The following KSR2 variants were observed in gnomAD, a reference collection of about 807,000 sequenced individuals.
KSR2 encodes the protein kinase suppressor of ras 2.
In KSR2, 25 loss-of-function variants were observed where a neutral mutation model predicts 107.8. The ratio of observed to expected loss-of-function variants is 0.23; its 90% confidence interval spans 0.17 to 0.32. KSR2 has a LOEUF of 0.32. KSR2 is among the 10% of genes least tolerant of loss of function. The pLI is 1.00. For synonymous variants in KSR2, 480 were observed against 507.0 expected (o/e 0.95, Z 0.71); for missense variants, 887 against 1,268.9 (o/e 0.70, Z 4.57).
chr12:117,866,551 C>T (rs757765263), intron 1 of KSR2, among the ~76,000 whole-genome samples: 5 of 152,170 alleles, frequency 3.3e-5, no homozygotes, highest in Non-Finnish European at 5.9e-5. Context: ...TTGATTCGGC[C>T]GGACACAGTG....
At chr12:117,924,237 C>A (rs776934344) in intron 1 of KSR2, among the ~76,000 whole-genome samples, 5 of 151,458 alleles carry the variant, frequency 3.3e-5, no homozygotes, top group Non-Finnish European at 5.9e-5. Context: ...ATAAATCAAT[C>A]TACTGTAGAT....
intron 7 of KSR2, among the ~76,000 whole-genome samples, chr12:117,558,979 G>A (rs1160662374): frequency 6.6e-6 from 1 of 151,882 alleles, no homozygotes; most frequent in African/African-American, 2.4e-5. Context: ...ACAGATTGAT[G>A]GTTGATGTGT....
At chr12:117,646,805 G>A (rs1802318162) in intron 5 of KSR2, among the ~76,000 whole-genome samples, 1 of 152,162 alleles carries the variant, frequency 6.6e-6, no homozygotes, top group Non-Finnish European at 1.5e-5. Flanking sequence ...GACTTCTGAA[G>A]GGGCTTAGTC....
intron 1 of KSR2, among the ~76,000 whole-genome samples, chr12:117,949,359 A>ATC (rs1896292775): frequency 6.6e-6 from 1 of 152,160 alleles, no homozygotes; most frequent in African/African-American, 2.4e-5. Flanking sequence ...CAACTCACAT[A>ATC]TCTCACGAAG....
chr12:117,786,798 A>C (rs987321311), intron 3 of KSR2, among the ~76,000 whole-genome samples: 5 of 152,098 alleles, frequency 3.3e-5, no homozygotes, highest in African/African-American at 1.2e-4. Context: ...CCTGGGCAAC[A>C]AGAGTGAAAC....
intron 1 of KSR2, among the ~76,000 whole-genome samples, chr12:117,892,402 A>G (rs1300774825): frequency 1.3e-5 from 2 of 152,142 alleles, no homozygotes; most frequent in Non-Finnish European, 2.9e-5. Context: ...CTCACAACAC[A>G]TTATCTCCAA....
At chr12:117,959,948 A>AT (rs1896613639) in intron 1 of KSR2, among the ~76,000 whole-genome samples, 1 of 151,788 alleles carries the variant, frequency 6.6e-6, no homozygotes, top group African/African-American at 2.4e-5. Flanking sequence ...AAAAAAAAAA[A>AT]AAACTTCAAG....
intron 4 of KSR2, among the ~76,000 whole-genome samples, chr12:117,730,921 G>A (rs559404385): frequency 1.9e-4 from 29 of 152,216 alleles, no homozygotes; most frequent in African/African-American, 6.5e-4. Flanking sequence ...GCCTCTGCCC[G>A]GCCGCCACCC....
intron 5 of KSR2, among the ~76,000 whole-genome samples, chr12:117,597,754 G>GTTACTTTTGCATCAACCTAGTA (rs1880729700): frequency 6.6e-6 from 1 of 152,196 alleles, no homozygotes; most frequent in South Asian, 2.1e-4. Context: ...ATATTCACCA[G>GTTACTTTTGCATCAACCTAGTA]TTACTTTTGC....
chr12:117,467,748 C>A, intron 19 of KSR2: 2 of 416,200 alleles, frequency 4.8e-6, no homozygotes, highest in South Asian at 1.8e-5. Context: ...GCAAAAGGAA[C>A]TCATTTATTT....
At chr12:117,567,410 G>C (rs555671508) in intron 7 of KSR2, among the ~76,000 whole-genome samples, 1 of 152,084 alleles carries the variant, frequency 6.6e-6, no homozygotes, top group Admixed American at 6.6e-5. Flanking sequence ...GAGATGCGAG[G>C]GGACAGAGGA....
At chr12:117,748,908 G>C (rs910019490) in intron 4 of KSR2, among the ~76,000 whole-genome samples, 2 of 151,838 alleles carry the variant, frequency 1.3e-5, no homozygotes, top group Non-Finnish European at 2.9e-5. Flanking sequence ...GCCCATAAAG[G>C]GTGTTACGGG....
intron 3 of KSR2, among the ~76,000 whole-genome samples, chr12:117,839,662 G>A (rs113892358): frequency 0.042 from 6,342 of 152,182 alleles, 412 homozygotes; most frequent in African/African-American, 0.14. Flanking sequence ...GACTATGGCC[G>A]AAGATCGACA....
chr12:117,706,208 T>A (rs188550606), intron 4 of KSR2, among the ~76,000 whole-genome samples: 32 of 151,886 alleles, frequency 2.1e-4, no homozygotes, highest in African/African-American at 5.8e-4. Context: ...CACACCCAGA[T>A]AATTTTTGTA....
chr12:117,761,571 G>C (rs1216273668), intron 3 of KSR2, 47 bp from the exon 4 acceptor site: 1 of 1,593,450 alleles, frequency 6.3e-7, no homozygotes, highest in Non-Finnish European at 8.6e-7. Flanking sequence ...CCATGAGAAA[G>C]CCAGGTGAGT....
chr12:117,793,163 C>T (rs1325750736), intron 3 of KSR2, among the ~76,000 whole-genome samples: 5 of 143,810 alleles, frequency 3.5e-5, no homozygotes, highest in South Asian at 4.6e-4. Context: ...TATGCACGCA[C>T]ACCAACATGT....
chr12:117,881,092 T>C (rs1441789028), intron 1 of KSR2, among the ~76,000 whole-genome samples: 1 of 152,186 alleles, frequency 6.6e-6, no homozygotes, highest in African/African-American at 2.4e-5. Flanking sequence ...GGCCTTGTTT[T>C]TGTCATCTTT....
intron 3 of KSR2, among the ~76,000 whole-genome samples, chr12:117,815,287 G>T (rs1351163921): frequency 6.6e-6 from 1 of 152,100 alleles, no homozygotes; most frequent in African/African-American, 2.4e-5. Flanking sequence ...AGACCAGTTG[G>T]ATCATTACAC....
In KSR2 at chr12:117,485,618, G is replaced by T; in HGVS notation, c.2293C>A (p.Gln765Lys). ...ACCTTCACAATTTCTTGAGCAATCTGCCTGGTTTTGTTGACATCCAAAACG... is the reference window on the plus strand; with the variant it reads ...ACCTTCACAATTTCTTGAGCAATCTTCCTGGTTTTGTTGACATCCAAAACG... ...KIVLDVNKTR[Q>K]IAQEIVKGMG... is the part of the protein sequence containing the mutation. The change falls in exon 15 of 20, where the codon CAG becomes AAG. Residue 765 changes from glutamine (Q) to lysine (K), a missense_variant. Transcript: ENST00000339824. 6.2e-7 allele frequency: 1 copy of T among 1,613,402 alleles called. No individual in the cohort carries two copies. Among genetic ancestry groups the T allele is most frequent in the Non-Finnish European group, 8.5e-7 (1 of 1,179,436 alleles).
Sources: allele counts gnomAD v4.1 joint callset (sites outside exome capture counted in the v4.1 genomes callset), GRCh38; gene constraint gnomAD v4.1.1; transcripts MANE v1.5; gene names NCBI Gene and HGNC (gene_info 2026-07-23, HGNC 2026-07-21).